The following UBA1 variants were observed in gnomAD, a reference collection of about 807,000 sequenced individuals.
UBA1 encodes the protein ubiquitin like modifier activating enzyme 1.
In UBA1, 4 loss-of-function variants were observed where a neutral mutation model predicts 84.7. The observed-to-expected ratio is 0.05, with a 90% CI of 0.02 to 0.11. The LOEUF (loss-of-function observed/expected upper bound fraction) is 0.11. Ranked by LOEUF, UBA1 falls within the 10% of genes least tolerant of loss-of-function variation. The pLI, the probability that UBA1 is intolerant of heterozygous loss-of-function variation, is 1.00. For synonymous variants in UBA1, 364 were observed against 362.6 expected (o/e 1.00, Z -0.04); for missense variants, 513 against 902.8 (o/e 0.57, Z 5.53).
rs782206544 is a variant in UBA1 at position 47,205,949 on chromosome X, A to C, written c.1577A>C (p.Lys526Thr). 3 of 1,203,237 alleles carry C rather than the reference A, an allele frequency of 2.5e-6. No homozygotes were observed. The highest frequency in any genetic ancestry group is 6.0e-5 in the East Asian group (2 of 33,587). Residue 526 changes from lysine to threonine, a missense_variant and splice_region_variant, in exon 15 of 26, where the codon AAG (lysine) becomes ACG (threonine). Transcript: ENST00000335972. Reference protein sequence around the residue: ...QFLFRPWDVTKLKSDTAAAAV... With the variant: ...QFLFRPWDVTTLKSDTAAAAV... ...AACTGCACTTTCTTAACCCTTTAGAAGTTAAAGTCTGACACGGCTGCTGCA... is the reference window on the plus strand; with the variant it reads ...AACTGCACTTTCTTAACCCTTTAGACGTTAAAGTCTGACACGGCTGCTGCA...
Position 47,198,882 on chromosome X carries a change from A to G in UBA1, c.80A>G (p.Gln27Arg). 8.3e-7 allele frequency: 1 copy of G among 1,212,029 alleles called. No individual in the cohort carries two copies. Among genetic ancestry groups the G allele is most frequent in the Non-Finnish European group, 1.1e-6 (1 of 895,581 alleles). ...PKPGSNCSPA[Q>R]SVLSEVPSVP... ...CCGGGTTCTAACTGCTCCCCTGCCC[A>G]GTCCGTGTTGTCCGAAGTGCCCTCG... Residue 27 changes from glutamine (Q) to arginine (R), a missense_variant, in exon 2 of 26, where the codon CAG (glutamine) becomes CGG (arginine). Transcript: ENST00000335972.
In UBA1 at chrX:47,202,691, G is replaced by A; in HGVS notation, c.1110G>A (p.Leu370=). Residue 370 remains leucine, a synonymous_variant, in exon 11 of 26, where the codon CTG becomes CTA. Coordinates refer to ENST00000335972, the MANE Select transcript of UBA1 (RefSeq NM_003334.4). ...CACAGGCTGTGAATGCTCGAGCCCT[G>A]CCAGCAGTGCAGCAAAATAACCTGG... ...ALAQAVNARA[L]PAVQQNNLDE... is the part of the protein sequence containing the mutation. The A allele has an allele frequency of 1.6e-6, 2 of 1,212,132 alleles. No individual in the cohort carries two copies. The highest frequency in any genetic ancestry group is 2.2e-6 in the Non-Finnish European group (2 of 895,514).
intron 1 of UBA1, chrX:47,198,077 T>G (rs1936267749): frequency 3.3e-6 from 3 of 900,279 alleles, no homozygotes; most frequent in Non-Finnish European, 4.2e-6. Context: ...GCAACCTCTT[T>G]TATTGGTCTG....
intron 1 of UBA1, among the ~76,000 whole-genome samples, chrX:47,196,712 C>T (rs993739022): frequency 8.9e-6 from 1 of 111,864 alleles, no homozygotes; most frequent in African/African-American, 3.3e-5. Context: ...TTCTTAGACT[C>T]TTGCTGCCTG....
chrX:47,211,548 T>G (rs192158898), intron 20 of UBA1, among the ~76,000 whole-genome samples: 1 of 110,789 alleles, frequency 9.0e-6, no homozygotes, highest in Non-Finnish European at 1.9e-5. Flanking sequence ...CTACCAGCAG[T>G]CTCTCTCCCT....
chrX:47,203,910 G>C (rs1556789584), intron 14 of UBA1, among the ~76,000 whole-genome samples: 1 of 108,556 alleles, frequency 9.2e-6, no homozygotes, highest in African/African-American at 3.4e-5. Context: ...CACCACGCCC[G>C]GCTGATTTTG....
At chrX:47,204,417 A>G (rs1556789908) in intron 14 of UBA1, among the ~76,000 whole-genome samples, 1 of 111,251 alleles carries the variant, frequency 9.0e-6, no homozygotes. Flanking sequence ...CAGTAACTAC[A>G]GAAATAACAG....
intron 1 of UBA1, chrX:47,197,016 C>A: frequency 1.8e-6 from 1 of 554,738 alleles, no homozygotes; most frequent in Non-Finnish European, 2.2e-6. Flanking sequence ...AATGAGATCT[C>A]TACCCCAGGT....
intron 14 of UBA1, 27 bp downstream of exon 14, chrX:47,203,723 T>A: frequency 8.4e-7 from 1 of 1,185,005 alleles, no homozygotes; most frequent in Non-Finnish European, 1.1e-6. Context: ...GTTGGGGCTT[T>A]GTCGTCTCAC....
intron 18 of UBA1, among the ~76,000 whole-genome samples, chrX:47,210,526 G>T (rs1936873073): frequency 1.8e-5 from 2 of 111,906 alleles, no homozygotes; most frequent in South Asian, 7.3e-4. Context: ...CTCATGGGGG[G>T]TTTGGGGAGG....
chrX:47,213,055 T>C lies in UBA1; in HGVS notation c.2712T>C (p.Leu904=). 8.2e-7 allele frequency: 1 copy of C among 1,212,136 alleles called. No homozygotes were observed. Among genetic ancestry groups the C allele is most frequent in the South Asian group, 1.8e-5 (1 of 57,036 alleles). Residue 904 remains leucine, a synonymous_variant, in exon 23 of 26, where the codon CTT becomes CTC. Coordinates refer to ENST00000335972, the MANE Select transcript of UBA1 (RefSeq NM_003334.4). The stretch of plus-strand genomic sequence containing the variant: ...CGACCACAGCAGCCGTGGTTGGCCT[T>C]GTGTGTCTGGAGCTGTACAAGGTTG... ...IATTTAAVVG[L]VCLELYKVVQ...
At chrX:47,208,202 C>T (rs1936750523) in intron 16 of UBA1, among the ~76,000 whole-genome samples, 1 of 112,947 alleles carries the variant, frequency 8.9e-6, no homozygotes, top group Admixed American at 9.3e-5. Flanking sequence ...CTCATTCTGC[C>T]ATTCAGGCTG....
intron 5 of UBA1, 104 bp downstream of exon 5, chrX:47,199,718 C>CAGA: frequency 2.0e-6 from 2 of 1,009,536 alleles, no homozygotes; most frequent in Non-Finnish European, 2.8e-6. Context: ...GCCTGAATGT[C>CAGA]AGGTTTTGTG....
intron 25 of UBA1, 30 bp from the exon 26 acceptor site, chrX:47,214,764 G>T: frequency 8.3e-7 from 1 of 1,208,995 alleles, no homozygotes; most frequent in South Asian, 1.8e-5. Context: ...CTGCCCTCCT[G>T]ACCCTATACT....
chrX:47,213,603 C>G (rs1161412434), intron 23 of UBA1, among the ~76,000 whole-genome samples: 1 of 112,450 alleles, frequency 8.9e-6, no homozygotes, highest in African/African-American at 3.2e-5. Context: ...TGGTGGCTTA[C>G]GCCTGTAATC....
chrX:47,198,622 A>T (rs902705951), intron 1 of UBA1, among the ~76,000 whole-genome samples, 181 bp from the exon 2 acceptor site: 1 of 111,610 alleles, frequency 9.0e-6, no homozygotes, highest in African/African-American at 3.3e-5. Context: ...CTGGGTTCAG[A>T]TCTTAGGTCT....
intron 14 of UBA1, among the ~76,000 whole-genome samples, chrX:47,204,537 T>C (rs1936579386): frequency 9.0e-6 from 1 of 111,456 alleles, no homozygotes; most frequent in Non-Finnish European, 1.9e-5. Context: ...TCCTGGCACA[T>C]AACAAAATTT....
chrX:47,214,681 TG>T (rs1937073341), intron 25 of UBA1, 44 bp downstream of exon 25: 1 of 1,193,126 alleles, frequency 8.4e-7, no homozygotes, highest in East Asian at 3.0e-5. Flanking sequence ...CTGTATGGGT[TG>T]GGGAGCCTCA....
chrX:47,201,651 A>G, intron 8 of UBA1, 41 bp downstream of exon 8: 2 of 1,201,709 alleles, frequency 1.7e-6, no homozygotes, highest in Non-Finnish European at 2.3e-6. Flanking sequence ...GAACTAGAAG[A>G]TATGTTCCTG....
Sources: allele counts gnomAD v4.1 joint callset (sites outside exome capture counted in the v4.1 genomes callset), GRCh38; gene constraint gnomAD v4.1.1; transcripts MANE v1.5; gene names NCBI Gene and HGNC (gene_info 2026-07-23, HGNC 2026-07-21).